Variants in COL11A1 observed in about 807,000 individuals in gnomAD.
COL11A1 encodes collagen alpha-1(XI) chain.
Under a neutral mutation model 265.2 loss-of-function variants are expected in COL11A1, and 74 were observed. That is an observed-to-expected ratio of 0.28 (90% CI 0.23 to 0.34). COL11A1 has a LOEUF of 0.34. COL11A1 is among the 10% of genes least tolerant of loss of function. COL11A1 has a pLI of 1.00. For synonymous variants in COL11A1, 816 were observed against 727.6 expected (o/e 1.12, Z -1.96); for missense variants, 2,165 against 2,263.6 (o/e 0.96, Z 0.88).
At chr1:103,083,506 G>A (rs1050704501) in intron 1 of COL11A1, among the ~76,000 whole-genome samples, 1 of 152,030 alleles carries the variant, frequency 6.6e-6, no homozygotes, top group African/African-American at 2.4e-5. Flanking sequence ...TACAATGGAT[G>A]TTATATGTAA....
At chr1:103,026,492 T>A (rs1186164477) in intron 5 of COL11A1, among the ~76,000 whole-genome samples, 160 bp from the exon 6 acceptor site, 1 of 152,234 alleles carries the variant, frequency 6.6e-6, no homozygotes, top group Admixed American at 6.5e-5. Flanking sequence ...TATTATACTG[T>A]CTTATACAGA....
At chr1:102,962,906 C>T (rs201530932) in intron 38 of COL11A1, 146 bp from the exon 39 acceptor site, 15 of 717,878 alleles carry the variant, frequency 2.1e-5, no homozygotes, top group Middle Eastern at 2.8e-4. Context: ...TCACATAAAG[C>T]ACTGAAAGTA....
chr1:102,929,721 T>A (rs1341978580), intron 46 of COL11A1, among the ~76,000 whole-genome samples: 1 of 152,084 alleles, frequency 6.6e-6, no homozygotes, highest in Non-Finnish European at 1.5e-5. Context: ...TTCCTACCCA[T>A]TTGCATGGAA....
chr1:103,094,645 T>A (rs189306879), intron 1 of COL11A1, among the ~76,000 whole-genome samples: 1 of 152,280 alleles, frequency 6.6e-6, no homozygotes, highest in Non-Finnish European at 1.5e-5. Context: ...AAAATCTTTA[T>A]GATGATTCAC....
rs1278245714 is a variant in COL11A1, at chr1:103,074,698, C to G, written c.571G>C (p.Asp191His). The G allele has an allele frequency of 6.2e-7, 1 of 1,613,350 alleles. No homozygotes were observed. The highest frequency in any genetic ancestry group is 8.5e-7 in the Non-Finnish European group (1 of 1,179,606). Reference protein sequence around the residue: ...DCKKKTTKPLDRSERAIVDTN... With the variant: ...DCKKKTTKPLHRSERAIVDTN... ...TCAACAATTGCTCTCTCACTTCTAT[C>G]AAGTGGTTTCGTGGTTTTCTTCTTA... is the stretch of plus-strand genomic sequence containing the variant. Residue 191 changes from aspartate (D) to histidine (H), a missense_variant, in exon 4 of 67, where the codon GAT (aspartate) becomes CAT (histidine). Transcript: ENST00000370096.
rs767709700 is a variant in COL11A1, at chr1:102,887,015, G to A, written c.4650C>T (p.Ser1550=). 4.3e-6 allele frequency: 7 copies of A among 1,613,778 alleles called. No homozygotes were observed. The highest frequency in any genetic ancestry group is 4.5e-5 in the East Asian group (2 of 44,866). The stretch of plus-strand genomic sequence containing the variant: ...CAGTATGTCTTCTCGTTTTTTTGGA[G>A]GACAAGATTGGTAAAGGCTGAATGA... ...GEVIQPLPIL[S]SKKTRRHTEG... is the part of the protein sequence containing the mutation. Residue 1550 remains serine (S), a synonymous_variant, in exon 63 of 67, where the codon TCC becomes TCT. Coordinates refer to ENST00000370096, the MANE Select transcript of COL11A1 (RefSeq NM_001854.4).
intron 4 of COL11A1, among the ~76,000 whole-genome samples, chr1:103,065,546 A>AAAAAT (rs1671057660): frequency 9.3e-6 from 1 of 107,504 alleles, no homozygotes; most frequent in African/African-American, 3.9e-5. Flanking sequence ...AAAAAAAAAA[A>AAAAAT]AGAAAGCAAA....
chr1:102,901,319 TA>T (rs35142040), intron 54 of COL11A1, among the ~76,000 whole-genome samples: 17,177 of 125,734 alleles, frequency 0.14, 1,113 homozygotes, highest in South Asian at 0.24. Context: ...AAACTCTGTC[TA>T]AAAAAAAAAA....
intron 36 of COL11A1, among the ~76,000 whole-genome samples, chr1:102,973,023 TGAA>T (rs1310376268): frequency 1.3e-5 from 2 of 152,066 alleles, no homozygotes; most frequent in Non-Finnish European, 2.9e-5. Context: ...CCTGCTATGA[TGAA>T]GGAGATGAAC....
intron 4 of COL11A1, among the ~76,000 whole-genome samples, chr1:103,065,949 G>A (rs187052871): frequency 1.2e-3 from 187 of 152,246 alleles, no homozygotes; most frequent in African/African-American, 4.0e-3. Context: ...CAATGTGAAT[G>A]TGAGTTGTGC....
chr1:103,061,541 A>G (rs1030241092), intron 4 of COL11A1, among the ~76,000 whole-genome samples: 1 of 152,126 alleles, frequency 6.6e-6, no homozygotes, highest in East Asian at 1.9e-4. Context: ...ACATAATCCA[A>G]TAACTGCTCT....
At chr1:103,098,521 C>T (rs78217799) in intron 1 of COL11A1, among the ~76,000 whole-genome samples, 252 of 151,946 alleles carry the variant, frequency 1.7e-3, no homozygotes, top group African/African-American at 5.9e-3. Context: ...TACTAAGCCA[C>T]GGACCCCAGT....
chr1:103,075,701 T>C (rs1440188397), intron 3 of COL11A1, among the ~76,000 whole-genome samples: 4 of 152,090 alleles, frequency 2.6e-5, no homozygotes, highest in East Asian at 3.9e-4. Flanking sequence ...TTTTTCCAAA[T>C]GAAAAGTGCT....
intron 41 of COL11A1, 187 bp downstream of exon 41, chr1:102,961,679 C>A (rs1411759718): frequency 1.7e-6 from 1 of 576,826 alleles, no homozygotes. Flanking sequence ...TATTTCCAAT[C>A]ATCCAAACCC....
At chr1:103,038,018 G>C (rs1668509481) in intron 4 of COL11A1, among the ~76,000 whole-genome samples, 1 of 152,112 alleles carries the variant, frequency 6.6e-6, no homozygotes, top group African/African-American at 2.4e-5. Flanking sequence ...CAATGAGAAT[G>C]AACATTTTCA....
intron 59 of COL11A1, 84 bp from the exon 60 acceptor site, chr1:102,889,003 C>A (rs1343756293): frequency 2.4e-6 from 3 of 1,234,584 alleles, no homozygotes; most frequent in Non-Finnish European, 2.4e-6. Context: ...ATTTTCATAA[C>A]AGCATACACT....
intron 4 of COL11A1, among the ~76,000 whole-genome samples, chr1:103,060,671 T>TAA (rs1160946577): frequency 1.3e-5 from 2 of 152,086 alleles, no homozygotes; most frequent in Non-Finnish European, 2.9e-5. Flanking sequence ...AGTTCATATT[T>TAA]AAAAACCTAG....
At chr1:103,061,751 T>G (rs1670694485) in intron 4 of COL11A1, among the ~76,000 whole-genome samples, 1 of 151,898 alleles carries the variant, frequency 6.6e-6, no homozygotes, top group African/African-American at 2.4e-5. Flanking sequence ...AGGAAAGATC[T>G]AAAATCAACT....
chr1:103,043,916 A>G (rs1669036993), intron 4 of COL11A1, among the ~76,000 whole-genome samples: 1 of 152,238 alleles, frequency 6.6e-6, no homozygotes, highest in African/African-American at 2.4e-5. Flanking sequence ...TAGCCTAACA[A>G]CATTCTATAA....
Sources: gnomAD v4.1 joint callset for allele counts (sites outside exome capture counted in the v4.1 genomes callset) on GRCh38, gnomAD v4.1.1 for gene constraint, MANE v1.5 for transcripts, NCBI Gene and HGNC (gene_info 2026-07-23, HGNC 2026-07-21) for gene names.